The following PPARGC1B variants were observed in gnomAD, a reference collection of about 807,000 sequenced individuals.
The protein encoded by PPARGC1B is PPARG coactivator 1 beta, also known as peroxisome proliferator-activated receptor gamma coactivator 1-beta.
A neutral mutation model predicts 101.6 loss-of-function variants in PPARGC1B; 34 were observed. The ratio of observed to expected loss-of-function variants is 0.33; its 90% CI spans 0.25 to 0.45. PPARGC1B has a LOEUF of 0.45. Among genes scored for constraint, PPARGC1B ranks in the 20% least tolerant of loss-of-function variants. The pLI, the probability that PPARGC1B is intolerant of heterozygous loss-of-function variation, is 1.00. For missense variants in PPARGC1B, 1,234 were observed against 1,317.6 expected (o/e 0.94, Z 0.98); for synonymous variants, 548 against 539.3 (o/e 1.02, Z -0.22).
chr5:149,767,743 A>T (rs931878712), intron 1 of PPARGC1B, among the ~76,000 whole-genome samples: 5 of 151,706 alleles, frequency 3.3e-5, no homozygotes, highest in Non-Finnish European at 7.4e-5. Flanking sequence ...ACTCCTCTGG[A>T]ACTCTCTTTT....
chr5:149,744,499 G>C (rs1049437390), intron 1 of PPARGC1B, among the ~76,000 whole-genome samples: 1 of 152,240 alleles, frequency 6.6e-6, no homozygotes, highest in African/African-American at 2.4e-5. Flanking sequence ...GGTGAAGACA[G>C]TGTATCGTGT....
At position 149,834,838 on chromosome 5, in the gene PPARGC1B, T is replaced by G; in HGVS notation, c.1742+128T>G. 8.8e-6 allele frequency: 7 copies of G among 799,040 alleles called. No individual in the cohort carries two copies. The South Asian group carries it at 1.2e-4, about 14-fold the overall frequency. The allele number at this position is 799,040 out of a possible 1,614,324, so 49.5% of individuals were successfully genotyped here. A position where few individuals can be genotyped will look rare whatever the true frequency, so the allele number is the denominator to read the frequency against. ...CCGGCCCCACACCCTGTGCCCTGATTGTCATCTGGGACCCTCAGGAGCTGG... is the reference window on the plus strand; with the variant it reads ...CCGGCCCCACACCCTGTGCCCTGATGGTCATCTGGGACCCTCAGGAGCTGG... On this transcript the variant is annotated intron_variant, in intron 6 of 11. Coordinates refer to ENST00000309241, the MANE Select transcript of PPARGC1B (RefSeq NM_133263.4).
chr5:149,788,252 AC>A (rs1756882989), intron 1 of PPARGC1B, among the ~76,000 whole-genome samples: 1 of 152,260 alleles, frequency 6.6e-6, no homozygotes, highest in African/African-American at 2.4e-5. Context: ...AACCCCATCA[AC>A]AAGTGGGCGA....
intron 1 of PPARGC1B, among the ~76,000 whole-genome samples, chr5:149,802,947 A>G (rs887884476): frequency 6.6e-6 from 1 of 152,170 alleles, no homozygotes. Context: ...CAGAGCTCCC[A>G]CTTGCCACTT....
intron 1 of PPARGC1B, among the ~76,000 whole-genome samples, chr5:149,741,997 A>T (rs951381707): frequency 6.6e-6 from 1 of 152,142 alleles, no homozygotes; most frequent in East Asian, 1.9e-4. Context: ...ATCTTCAACC[A>T]TGTCCTTCAA....
chr5:149,750,076 G>T (rs2113116051), intron 1 of PPARGC1B, among the ~76,000 whole-genome samples: 1 of 152,282 alleles, frequency 6.6e-6, no homozygotes, highest in African/African-American at 2.4e-5. Context: ...GGTGACAGGT[G>T]CAATGCTGAC....
chr5:149,732,799 G>A (rs560667202), intron 1 of PPARGC1B: 2 of 475,692 alleles, frequency 4.2e-6, no homozygotes, highest in East Asian at 6.7e-5. Flanking sequence ...ATGGGACCAT[G>A]CAGCCAGAGG....
chr5:149,765,217 G>A (rs537183241), intron 1 of PPARGC1B, among the ~76,000 whole-genome samples: 43 of 152,378 alleles, frequency 2.8e-4, no homozygotes, highest in African/African-American at 1.0e-3. Context: ...GAGGGAATAT[G>A]CCTGGGCATG....
rs1376703519 is a variant in PPARGC1B, at chr5:149,836,752, A to G, written c.2297A>G (p.Lys766Arg). The G allele has an allele frequency of 2.5e-6, 4 of 1,613,558 alleles. No individual in the cohort carries two copies. In the African/African-American group the frequency reaches 4.0e-5, roughly 16 times the overall value. The change falls in exon 8 of 12, where the codon AAA (lysine) becomes AGA (arginine). Residue 766 changes from lysine to arginine, a missense_variant. By Grantham distance (26) the Lys-to-Arg change is conservative. Coordinates refer to ENST00000309241, the MANE Select transcript of PPARGC1B (RefSeq NM_133263.4). ...CATGAGATCCGTGCCAGCCTCACCAAACACTTTGGGCTGCTGGAGACCGCC... is the reference window on the plus strand; with the variant it reads ...CATGAGATCCGTGCCAGCCTCACCAGACACTTTGGGCTGCTGGAGACCGCC... ...RDHEIRASLT[K>R]HFGLLETALE... is the part of the protein sequence containing the mutation.
At position 149,833,092 on chromosome 5, in the gene PPARGC1B, T is replaced by G. The variant is rs1266375611; in HGVS notation, c.1019T>G (p.Phe340Cys). 5.0e-6 allele frequency: 8 copies of G among 1,613,758 alleles called. No individual in the cohort carries two copies. Among genetic ancestry groups the G allele is most frequent in the Non-Finnish European group, 6.8e-6 (8 of 1,180,036 alleles). Reference sequence around the variant, plus strand: ...CACTCCAAAGCCTCCTGGGCTGAGTTCTCCATTCTGAGGGAACTTCTGGCT... The same window carrying G: ...CACTCCAAAGCCTCCTGGGCTGAGTGCTCCATTCTGAGGGAACTTCTGGCT... ...RHHSKASWAE[F>C]SILRELLAQD... is the part of the protein sequence containing the mutation. Residue 340 changes from phenylalanine to cysteine, a missense_variant, in exon 5 of 12, where the codon TTC (phenylalanine) becomes TGC (cysteine). By Grantham distance (205) the Phe-to-Cys change is radical (BLOSUM62 -2). This residue lies in a region of PPARGC1B where 734 missense variants were observed against 768.4 expected (regional missense o/e 0.96). Coordinates refer to ENST00000309241, the MANE Select transcript of PPARGC1B (RefSeq NM_133263.4). The surrounding 1 kb of genome is among the most constrained non-coding windows in gnomAD (Gnocchi z 4.1).
intron 11 of PPARGC1B, chr5:149,846,189 C>T: frequency 1.7e-6 from 1 of 576,840 alleles, no homozygotes; most frequent in Non-Finnish European, 3.1e-6. Flanking sequence ...ATGTGCACAG[C>T]CAGCTGGCAG....
At chr5:149,856,823 T>G (rs1356721062), downstream of PPARGC1B, among the ~76,000 whole-genome samples, 4 of 144,130 alleles carry the variant, frequency 2.8e-5, no homozygotes, top group Non-Finnish European at 4.5e-5. Context: ...CCAGCTGGAG[T>G]GCAATGGTGC....
At position 149,836,802 on chromosome 5, in the gene PPARGC1B, T is replaced by C. The variant is rs368438505; in HGVS notation, c.2347T>C (p.Cys783Arg). The stretch of plus-strand genomic sequence containing the variant: ...CCTGGAGGAGGAAGACCTGGCCTCC[T>C]GCAAGAGCCCTGAGTATGACACTGT... ...TALEEEDLAS[C>R]KSPEYDTVFE... The change falls in exon 8 of 12, where the codon TGC (cysteine) becomes CGC (arginine). Residue 783 changes from cysteine (C) to arginine (R), a missense_variant. By Grantham distance (180) the Cys-to-Arg change is radical. Coordinates refer to ENST00000309241, the MANE Select transcript of PPARGC1B (RefSeq NM_133263.4). 6.8e-6 allele frequency: 11 copies of C among 1,613,366 alleles called. No homozygotes were observed. Among genetic ancestry groups the C allele is most frequent in the Non-Finnish European group, 7.6e-6 (9 of 1,180,014 alleles).
intron 1 of PPARGC1B, chr5:149,818,719 C>T: frequency 2.4e-6 from 1 of 425,244 alleles, no homozygotes; most frequent in Admixed American, 2.5e-5. Context: ...CCGCTCCTCT[C>T]TGCCTACCAT....
Position 149,847,475 on chromosome 5 carries a change from G to A in PPARGC1B, c.2989G>A (p.Ala997Thr). The A allele has an allele frequency of 6.2e-7, 1 of 1,613,878 alleles. No homozygotes were observed. Among genetic ancestry groups the A allele is most frequent in the Non-Finnish European group, 8.5e-7 (1 of 1,179,800 alleles). The change falls in exon 12 of 12, where the codon GCC (alanine) becomes ACC (threonine). Residue 997 changes from alanine (A) to threonine (T), a missense_variant. Transcript: ENST00000309241. Reference protein sequence around the residue: ...YTDYDSNSEEALPASGKSKYE... With the variant: ...YTDYDSNSEETLPASGKSKYE... ...ATGCCCAGATTCCAATTCAGAAGAG[G>A]CCCTTCCTGCGTCAGGGAAAAGCAA...
intron 1 of PPARGC1B, among the ~76,000 whole-genome samples, chr5:149,791,889 T>G (rs530980269): frequency 6.6e-6 from 1 of 152,310 alleles, no homozygotes; most frequent in South Asian, 2.1e-4. Flanking sequence ...TATAAAAGTT[T>G]CATTTATTCA....
At chr5:149,846,369 C>T in intron 11 of PPARGC1B, 1 of 224,528 alleles carries the variant, frequency 4.5e-6, no homozygotes, top group South Asian at 1.3e-4. Context: ...CTCAGTGGCT[C>T]ATGCCTGTAA....
intron 3 of PPARGC1B, among the ~76,000 whole-genome samples, chr5:149,827,995 T>C (rs1357560404): frequency 6.6e-6 from 1 of 152,012 alleles, no homozygotes; most frequent in East Asian, 1.9e-4. Context: ...GGTTCTTAGG[T>C]TATGGAGAGT....
chr5:149,802,124 C>T (rs1286075803), intron 1 of PPARGC1B, among the ~76,000 whole-genome samples: 3 of 152,222 alleles, frequency 2.0e-5, no homozygotes, highest in Admixed American at 2.0e-4. Context: ...TGACCCTTCT[C>T]AGGACTTGGC....
Sources: allele counts gnomAD v4.1 joint callset (sites outside exome capture counted in the v4.1 genomes callset), GRCh38; gene constraint gnomAD v4.1.1; regional missense constraint gnomAD v4.1.1; non-coding constraint Gnocchi (gnomAD v3.1); transcripts MANE v1.5; gene names NCBI Gene and HGNC (gene_info 2026-07-23, HGNC 2026-07-21).